Variants in WWOX observed in about 807,000 individuals in gnomAD.
WWOX encodes the protein WW domain-containing oxidoreductase.
Under a neutral mutation model 46.2 loss-of-function variants are expected in WWOX, and 69 were observed. The ratio of observed to expected loss-of-function variants is 1.49; its 90% CI spans 1.23 to 1.82. The LOEUF is 1.82. Ranked by LOEUF, WWOX falls within the 40% of genes most tolerant of loss-of-function variation. The pLI, the probability that WWOX is intolerant of heterozygous loss-of-function variation, is 0.00. For synonymous variants in WWOX, 359 were observed against 202.6 expected (o/e 1.77, Z -6.56); for missense variants, 919 against 542.6 (o/e 1.69, Z -6.89).
intron 8 of WWOX, among the ~76,000 whole-genome samples, chr16:78,749,520 A>C (rs1481690453): frequency 1.3e-5 from 2 of 152,140 alleles, no homozygotes; most frequent in Non-Finnish European, 2.9e-5. Flanking sequence ...TGTTGTTGTT[A>C]CAATTGTTGT....
chr16:78,841,098 G>A (rs1168332687), intron 8 of WWOX, among the ~76,000 whole-genome samples: 5 of 151,916 alleles, frequency 3.3e-5, no homozygotes, highest in Admixed American at 6.6e-5. Context: ...CATTCATTTC[G>A]GTAAAAAACT....
At position 78,987,259 on chromosome 16, in the gene WWOX, T is replaced by C. The variant is rs192999058; in HGVS notation, c.1057-224349T>C. 4.6e-5 allele frequency among the ~76,000 whole-genome samples: 7 copies of C among 152,350 alleles called. No homozygotes were observed. The South Asian group carries it at 6.2e-4, about 14-fold the overall frequency. ...GCTTATTAACTCAGTCCTGGCTTTA[T>C]TGATTGCTTTAGGTTCCATGATCTT... is the stretch of plus-strand genomic sequence containing the variant. On this transcript the variant is annotated intron_variant, in intron 8 of 8. Transcript: ENST00000566780.
At chr16:78,591,246 C>G (rs1312855779) in intron 8 of WWOX, among the ~76,000 whole-genome samples, 1 of 152,182 alleles carries the variant, frequency 6.6e-6, no homozygotes, top group African/African-American at 2.4e-5. Flanking sequence ...ATATGTACCT[C>G]TTGGGAACAA....
intron 8 of WWOX, among the ~76,000 whole-genome samples, chr16:78,660,213 A>C (rs1489763219): frequency 1.3e-5 from 2 of 152,122 alleles, no homozygotes; most frequent in Admixed American, 1.3e-4. Context: ...TATTGTCAGC[A>C]GGAGGGAGGT....
intron 8 of WWOX, among the ~76,000 whole-genome samples, chr16:78,912,946 C>T (rs1259987934): frequency 2.0e-5 from 3 of 152,084 alleles, no homozygotes; most frequent in South Asian, 2.1e-4. Flanking sequence ...AAGGGTCGAA[C>T]GGTCCATTCT....
chr16:78,795,227 C>T (rs138452738), intron 8 of WWOX, among the ~76,000 whole-genome samples: 99 of 152,200 alleles, frequency 6.5e-4, no homozygotes, highest in African/African-American at 2.3e-3. Context: ...ATTCACACTT[C>T]ACAGATATTC....
chr16:78,996,997 C>G (rs1020328804), intron 8 of WWOX, among the ~76,000 whole-genome samples: 4 of 152,218 alleles, frequency 2.6e-5, no homozygotes, highest in African/African-American at 7.2e-5. Context: ...GTCCCTCGCT[C>G]AAATGTGCGT....
chr16:79,122,969 C>T (rs1032919299), intron 8 of WWOX, among the ~76,000 whole-genome samples: 1 of 152,174 alleles, frequency 6.6e-6, no homozygotes, highest in Non-Finnish European at 1.5e-5. Context: ...GTCATTGCCT[C>T]AAAATTTGGG....
intron 5 of WWOX, among the ~76,000 whole-genome samples, chr16:78,330,456 G>A (rs1054455439): frequency 6.6e-6 from 1 of 151,914 alleles, no homozygotes. Flanking sequence ...TAGTGCACTG[G>A]CGTGATCTCA....
At chr16:78,293,223 G>A (rs1011800241) in intron 5 of WWOX, among the ~76,000 whole-genome samples, 3 of 152,160 alleles carry the variant, frequency 2.0e-5, no homozygotes, top group Non-Finnish European at 2.9e-5. Context: ...CTGCCAAACA[G>A]GGATTATACA....
chr16:79,087,190 A>T (rs993999571), intron 8 of WWOX, among the ~76,000 whole-genome samples: 4 of 152,190 alleles, frequency 2.6e-5, no homozygotes, highest in Non-Finnish European at 5.9e-5. Flanking sequence ...GGGAAATGCC[A>T]TGATTTCAAG....
intron 8 of WWOX, among the ~76,000 whole-genome samples, chr16:78,792,907 C>G (rs922652606): frequency 6.6e-6 from 1 of 152,130 alleles, no homozygotes; most frequent in African/African-American, 2.4e-5. Context: ...GCTGTACAGA[C>G]AGAAGGAAAG....
intron 1 of WWOX, among the ~76,000 whole-genome samples, chr16:78,100,584 T>G (rs2031709053): frequency 6.6e-6 from 1 of 152,206 alleles, no homozygotes; most frequent in South Asian, 2.1e-4. Context: ...CTAGATAGCT[T>G]CACTATCATT....
intron 8 of WWOX, among the ~76,000 whole-genome samples, chr16:79,195,046 A>G (rs1567610100): frequency 6.6e-6 from 1 of 152,166 alleles, no homozygotes; most frequent in South Asian, 2.1e-4. Flanking sequence ...AACATTATGC[A>G]TATGGTGTGA....
intron 8 of WWOX, among the ~76,000 whole-genome samples, chr16:78,618,424 C>A (rs13336973): frequency 6.6e-6 from 1 of 152,056 alleles, no homozygotes; most frequent in African/African-American, 2.4e-5. Flanking sequence ...TTGGAGATGA[C>A]CATCTTCTCT....
At chr16:79,009,065 A>C (rs2047248306) in intron 8 of WWOX, among the ~76,000 whole-genome samples, 1 of 152,188 alleles carries the variant, frequency 6.6e-6, no homozygotes, top group South Asian at 2.1e-4. Flanking sequence ...TATTATTTAG[A>C]GGGATCCACG....
At chr16:78,425,763 T>C (rs559035984) in intron 7 of WWOX, among the ~76,000 whole-genome samples, 1 of 152,262 alleles carries the variant, frequency 6.6e-6, no homozygotes, top group South Asian at 2.1e-4. Flanking sequence ...ATTTAATACA[T>C]GTTAGGGAGA....
chr16:78,523,163 C>T (rs1389956212), intron 8 of WWOX, among the ~76,000 whole-genome samples: 1 of 152,264 alleles, frequency 6.6e-6, no homozygotes, highest in East Asian at 1.9e-4. Context: ...GGCTTACAGA[C>T]CTAAATTTAT....
intron 5 of WWOX, among the ~76,000 whole-genome samples, chr16:78,378,826 A>G (rs1597130383): frequency 6.6e-6 from 1 of 152,222 alleles, no homozygotes; most frequent in African/African-American, 2.4e-5. Flanking sequence ...CAGCGGTAAC[A>G]CTTCTCTTGT....
Sources: gnomAD v4.1 joint callset for allele counts (sites outside exome capture counted in the v4.1 genomes callset) on GRCh38, gnomAD v4.1.1 for gene constraint, MANE v1.5 for transcripts, NCBI Gene and HGNC (gene_info 2026-07-23, HGNC 2026-07-21) for gene names.